ADAM22: variants seen among roughly 807,000 people sequenced by gnomAD.
The protein encoded by ADAM22 is ADAM metallopeptidase domain 22, also known as disintegrin and metalloproteinase domain-containing protein 22.
ADAM22 carries 65 observed loss-of-function variants against 144.6 expected under a neutral mutation model. The ratio of observed to expected loss-of-function variants is 0.45; its 90% CI spans 0.37 to 0.55. The LOEUF (loss-of-function observed/expected upper bound fraction) is 0.55. ADAM22 is among the 20% of genes least tolerant of loss of function. ADAM22 has a pLI of 0.00. For missense variants in ADAM22, 974 were observed against 1,184.9 expected (o/e 0.82, Z 2.61); for synonymous variants, 391 against 412.6 (o/e 0.95, Z 0.63).
intron 29 of ADAM22, among the ~76,000 whole-genome samples, chr7:88,185,428 A>G (rs1024721466): frequency 2.0e-5 from 3 of 152,248 alleles, no homozygotes; most frequent in African/African-American, 7.2e-5. Flanking sequence ...ATAACTAAAT[A>G]TGGGAGAAAG....
chr7:88,101,151 G>A (rs140216420), intron 4 of ADAM22, among the ~76,000 whole-genome samples: 9 of 152,004 alleles, frequency 5.9e-5, no homozygotes, highest in African/African-American at 1.2e-4. Flanking sequence ...AGATTCTGGC[G>A]CAGTTGGTAT....
intron 2 of ADAM22, chr7:87,964,779 C>A: frequency 3.2e-6 from 1 of 316,936 alleles, no homozygotes; most frequent in South Asian, 2.8e-5. Context: ...CTTCCTGGAA[C>A]TCAAGGGCAA....
chr7:88,162,709 A>T (rs534572161), intron 22 of ADAM22, among the ~76,000 whole-genome samples: 1 of 152,254 alleles, frequency 6.6e-6, no homozygotes, highest in African/African-American at 2.4e-5. Flanking sequence ...CAAATTACAT[A>T]CTAGTAATAA....
At chr7:88,167,704 C>G (rs1843275521) in intron 24 of ADAM22, among the ~76,000 whole-genome samples, 1 of 152,244 alleles carries the variant, frequency 6.6e-6, no homozygotes, top group South Asian at 2.1e-4. Flanking sequence ...TTGAGAGAGA[C>G]AAAATATAAC....
chr7:88,123,076 A>G (rs1829676540), intron 7 of ADAM22, among the ~76,000 whole-genome samples: 1 of 152,154 alleles, frequency 6.6e-6, no homozygotes, highest in South Asian at 2.1e-4. Flanking sequence ...GTATAAATTG[A>G]TGTTTTGAAT....
intron 5 of ADAM22, among the ~76,000 whole-genome samples, 194 bp downstream of exon 5, chr7:88,108,452 G>T (rs182432499): frequency 1.9e-4 from 29 of 152,006 alleles, no homozygotes; most frequent in Non-Finnish European, 3.2e-4. Context: ...AAATGGTCGG[G>T]CGTGGTGGCT....
At chr7:88,165,735 C>G in intron 23 of ADAM22, 97 bp from the exon 24 acceptor site, 1 of 754,814 alleles carries the variant, frequency 1.3e-6, no homozygotes, top group Non-Finnish European at 2.1e-6. Flanking sequence ...TTGGAATTAC[C>G]ACATTCTAAG....
At chr7:87,975,957 G>A (rs1851809576) in intron 2 of ADAM22, among the ~76,000 whole-genome samples, 1 of 152,166 alleles carries the variant, frequency 6.6e-6, no homozygotes, top group Admixed American at 6.5e-5. Flanking sequence ...GGTAGAGGGA[G>A]TGATGTTATC....
intron 3 of ADAM22, among the ~76,000 whole-genome samples, chr7:88,039,211 A>G (rs1802338152): frequency 6.6e-6 from 1 of 151,658 alleles, no homozygotes; most frequent in Non-Finnish European, 1.5e-5. Context: ...TTGGAGGCCA[A>G]GGGAGGCGGA....
chr7:88,151,706 G>A (rs929622947), intron 20 of ADAM22, among the ~76,000 whole-genome samples: 2 of 152,180 alleles, frequency 1.3e-5, no homozygotes, highest in Non-Finnish European at 2.9e-5. Flanking sequence ...TGGACAGGAC[G>A]TCCTTAACTT....
chr7:88,057,152 G>T (rs988705210), intron 3 of ADAM22, among the ~76,000 whole-genome samples: 3 of 151,344 alleles, frequency 2.0e-5, no homozygotes, highest in Admixed American at 6.6e-5. Flanking sequence ...TTAAGACAGG[G>T]TCTCGCTATG....
At chr7:88,111,918 A>G (rs1052750716) in intron 5 of ADAM22, among the ~76,000 whole-genome samples, 4 of 152,232 alleles carry the variant, frequency 2.6e-5, no homozygotes, top group Admixed American at 2.6e-4. Flanking sequence ...TTTAAGTCCA[A>G]TAAAAAAATG....
At chr7:88,097,800 C>G (rs994436629) in intron 4 of ADAM22, among the ~76,000 whole-genome samples, 4 of 152,024 alleles carry the variant, frequency 2.6e-5, no homozygotes, top group African/African-American at 9.7e-5. Context: ...TTAGGTAATT[C>G]ACAGTCTTTA....
intron 2 of ADAM22, among the ~76,000 whole-genome samples, chr7:87,937,805 T>A (rs1841588924): frequency 6.6e-6 from 1 of 152,228 alleles, no homozygotes; most frequent in Non-Finnish European, 1.5e-5. Context: ...GAATAGATGA[T>A]TAATTCAAGT....
chr7:87,935,747 G>T (rs10272874), intron 2 of ADAM22, among the ~76,000 whole-genome samples: 1 of 152,028 alleles, frequency 6.6e-6, no homozygotes, highest in African/African-American at 2.4e-5. Flanking sequence ...GTCCTCCTCC[G>T]ACTTTCTTTA....
intron 4 of ADAM22, among the ~76,000 whole-genome samples, chr7:88,106,875 G>A (rs1323568017): frequency 2.0e-5 from 3 of 152,088 alleles, no homozygotes; most frequent in Non-Finnish European, 4.4e-5. Flanking sequence ...TCCTAAGATG[G>A]CAGAAGATTT....
chr7:88,054,652 C>T (rs1027331459), intron 3 of ADAM22, among the ~76,000 whole-genome samples: 3 of 140,424 alleles, frequency 2.1e-5, no homozygotes, highest in Non-Finnish European at 3.1e-5. Flanking sequence ...CACACATGGT[C>T]GGTTTCCCCT....
chr7:88,129,182 T>G (rs1831144368), intron 9 of ADAM22, among the ~76,000 whole-genome samples: 1 of 152,040 alleles, frequency 6.6e-6, no homozygotes, highest in South Asian at 2.1e-4. Flanking sequence ...TGACAAAACT[T>G]TCATGTTGTT....
chr7:88,059,079 G>T (rs1809058813), intron 3 of ADAM22, among the ~76,000 whole-genome samples: 2 of 152,124 alleles, frequency 1.3e-5, no homozygotes, highest in African/African-American at 4.8e-5. Context: ...CCATCCCCAG[G>T]TTGCTCTCTG....
Sources: allele counts gnomAD v4.1 joint callset (sites outside exome capture counted in the v4.1 genomes callset), GRCh38; gene constraint gnomAD v4.1.1; transcripts MANE v1.5; gene names NCBI Gene and HGNC (gene_info 2026-07-23, HGNC 2026-07-21).